The following NLGN4X variants were observed in gnomAD, a reference collection of about 807,000 sequenced individuals.
The protein encoded by NLGN4X is neuroligin-4, X-linked.
A neutral mutation model predicts 40.3 loss-of-function variants in NLGN4X; 3 were observed. That is an observed-to-expected ratio of 0.07 (90% CI 0.03 to 0.19). The LOEUF (loss-of-function observed/expected upper bound fraction) is 0.19, where lower values mean the gene tolerates loss of function less well. NLGN4X is among the 10% of genes least tolerant of loss of function. The pLI, the probability that NLGN4X is intolerant of heterozygous loss-of-function variation, is 1.00. For synonymous variants in NLGN4X, 270 were observed against 306.8 expected (o/e 0.88, Z 1.25); for missense variants, 382 against 708.3 (o/e 0.54, Z 5.23).
At chrX:6,039,661 C>T (rs972892818) in intron 2 of NLGN4X, among the ~76,000 whole-genome samples, 5 of 112,257 alleles carry the variant, frequency 4.5e-5, no homozygotes, top group African/African-American at 1.3e-4. Flanking sequence ...TCAGACAATA[C>T]ATTTGCCACT....
intron 3 of NLGN4X, among the ~76,000 whole-genome samples, chrX:6,025,935 A>AT (rs1451247322): frequency 3.6e-5 from 4 of 109,797 alleles, no homozygotes; most frequent in Non-Finnish European, 5.7e-5. Context: ...GAAAAAAGTT[A>AT]TTTTTTTATT....
At chrX:6,225,768 A>C (rs1344926492) in intron 1 of NLGN4X, among the ~76,000 whole-genome samples, 1 of 73,740 alleles carries the variant, frequency 1.4e-5, no homozygotes, top group African/African-American at 5.6e-5. Flanking sequence ...CTGAGATGGG[A>C]GCTCACGCAC....
At chrX:6,171,906 G>C (rs1160582092) in intron 1 of NLGN4X, among the ~76,000 whole-genome samples, 1 of 110,905 alleles carries the variant, frequency 9.0e-6, no homozygotes, top group Non-Finnish European at 1.9e-5. Context: ...ACACCCCTTG[G>C]TACTGTATAG....
chrX:6,123,914 A>G (rs186422049), intron 2 of NLGN4X, among the ~76,000 whole-genome samples: 86 of 110,817 alleles, frequency 7.8e-4, no homozygotes, highest in African/African-American at 2.6e-3. Context: ...AGTGAAATCT[A>G]TAATAATGAT....
intron 5 of NLGN4X, among the ~76,000 whole-genome samples, chrX:5,899,111 G>A (rs1214976302): frequency 8.9e-6 from 1 of 112,331 alleles, no homozygotes; most frequent in Non-Finnish European, 1.9e-5. Flanking sequence ...TCCACACGTT[G>A]CATTTCACAT....
chrX:6,050,587 T>C (rs1480181289), intron 2 of NLGN4X, among the ~76,000 whole-genome samples: 3 of 95,028 alleles, frequency 3.2e-5, no homozygotes, highest in African/African-American at 1.1e-4. Flanking sequence ...TCTGCCTTTC[T>C]ATCATTTATC....
chrX:6,120,764 A>T (rs1230475402), intron 2 of NLGN4X, among the ~76,000 whole-genome samples: 1 of 112,234 alleles, frequency 8.9e-6, no homozygotes, highest in Non-Finnish European at 1.9e-5. Flanking sequence ...AGCATAGATC[A>T]CATTCTGAAG....
intron 3 of NLGN4X, among the ~76,000 whole-genome samples, chrX:5,918,590 A>G (rs905410019): frequency 8.9e-6 from 1 of 112,317 alleles, no homozygotes; most frequent in African/African-American, 3.2e-5. Flanking sequence ...CTACACACTA[A>G]AATTGTCCTG....
At chrX:6,096,573 C>T (rs1045367861) in intron 2 of NLGN4X, among the ~76,000 whole-genome samples, 2 of 111,661 alleles carry the variant, frequency 1.8e-5, no homozygotes, top group Non-Finnish European at 1.9e-5. Context: ...CCCTAGACTC[C>T]TCAAAGGCCA....
At chrX:5,923,788 G>C (rs754332788) in intron 3 of NLGN4X, among the ~76,000 whole-genome samples, 1 of 111,361 alleles carries the variant, frequency 9.0e-6, no homozygotes, top group Non-Finnish European at 1.9e-5. Flanking sequence ...CAGCCTTTTG[G>C]GGAAATACTT....
intron 1 of NLGN4X, among the ~76,000 whole-genome samples, chrX:6,170,188 C>A (rs2040577170): frequency 9.0e-6 from 1 of 110,829 alleles, no homozygotes; most frequent in African/African-American, 3.3e-5. Context: ...AACTCTTGGG[C>A]TCAAGCAATC....
chrX:6,144,941 T>G (rs886395834), intron 2 of NLGN4X, among the ~76,000 whole-genome samples: 1 of 111,038 alleles, frequency 9.0e-6, no homozygotes, highest in African/African-American at 3.3e-5. Context: ...GGGCGGTGCT[T>G]GCACATCTCT....
chrX:6,104,988 G>C (rs1234217173), intron 2 of NLGN4X, among the ~76,000 whole-genome samples: 1 of 111,607 alleles, frequency 9.0e-6, no homozygotes, highest in African/African-American at 3.3e-5. Flanking sequence ...TACTGGGACG[G>C]TAACTGGATT....
intron 3 of NLGN4X, among the ~76,000 whole-genome samples, chrX:5,988,647 A>G (rs2035594914): frequency 8.9e-6 from 1 of 112,608 alleles, no homozygotes. Context: ...TGGGCATTCT[A>G]AAAATACATA....
intron 2 of NLGN4X, among the ~76,000 whole-genome samples, chrX:6,086,857 C>T (rs372798771): frequency 1.9e-4 from 21 of 110,835 alleles, no homozygotes; most frequent in African/African-American, 6.6e-4. Flanking sequence ...TGGTCTTGAA[C>T]TCCTGGCCTC....
At position 5,891,751 on chromosome X, in the gene NLGN4X, C is replaced by T. The variant is rs147323238; in HGVS notation, c.*1066G>A. 1.6e-3 allele frequency: 276 copies of T among 168,788 alleles called. 2 individuals carry two copies. Among genetic ancestry groups the T allele is most frequent in the African/African-American group, 7.7e-3 (246 of 31,850 alleles). 13.9% of individuals were successfully genotyped at this position (168,788 alleles called of 1,213,427 possible). The stretch of plus-strand genomic sequence containing the variant: ...TCTAATTTAACAAGCTGTAAATACA[C>T]TCCACTTTGGGGACCCATCTCTGTA... On this transcript the variant is annotated 3_prime_UTR_variant, in exon 6 of 6. Coordinates refer to ENST00000381095, the MANE Select transcript of NLGN4X (RefSeq NM_181332.3).
chrX:6,196,551 CAAAAAAAAAAAA>C (rs374097705), intron 1 of NLGN4X, among the ~76,000 whole-genome samples: 35 of 23,316 alleles, frequency 1.5e-3, no homozygotes, highest in South Asian at 6.2e-3. Flanking sequence ...GACTCTGTCT[CAAAAAAAAAAAA>C]AAAAAAAAAA....
rs114458673 is a variant in NLGN4X at position 5,986,113 on chromosome X, T to C, written c.625+43167A>G. Among the ~76,000 whole-genome samples the C allele has an allele frequency of 2.2e-3, 249 of 112,362 alleles. 2 individuals carry two copies. The highest frequency in any genetic ancestry group is 7.5e-3 in the African/African-American group (231 of 30,969). ...GTAAACTACCACCTGGAAAACTATATAGAGTATGTGAACAACATACTTCAA... is the reference window on the plus strand; with the variant it reads ...GTAAACTACCACCTGGAAAACTATACAGAGTATGTGAACAACATACTTCAA... On this transcript the variant is annotated intron_variant, in intron 3 of 5. Coordinates refer to ENST00000381095, the MANE Select transcript of NLGN4X (RefSeq NM_181332.3).
At chrX:6,081,782 C>T (rs1357869011) in intron 2 of NLGN4X, among the ~76,000 whole-genome samples, 1 of 112,206 alleles carries the variant, frequency 8.9e-6, no homozygotes, top group African/African-American at 3.2e-5. Flanking sequence ...AACTAGAAAC[C>T]AAACTCATAA....
Sources: allele counts gnomAD v4.1 joint callset (sites outside exome capture counted in the v4.1 genomes callset), GRCh38; gene constraint gnomAD v4.1.1; transcripts MANE v1.5; gene names NCBI Gene and HGNC (gene_info 2026-07-23, HGNC 2026-07-21).